MAN1C1: variants seen among roughly 807,000 people sequenced by gnomAD.
MAN1C1 encodes mannosyl-oligosaccharide 1,2-alpha-mannosidase IC.
In MAN1C1, 49 loss-of-function variants were observed where a neutral mutation model predicts 71.5. The observed-to-expected ratio is 0.69, with a 90% confidence interval of 0.54 to 0.87. The LOEUF (loss-of-function observed/expected upper bound fraction) is 0.87, where lower values mean the gene tolerates loss of function less well. MAN1C1 is among the 40% of genes least tolerant of loss of function. The probability of loss-of-function intolerance (pLI) is 0.00; values close to 1 mark genes in which losing one functional copy is unlikely to be tolerated. For missense variants in MAN1C1, 743 were observed against 835.0 expected (o/e 0.89, Z 1.36); for synonymous variants, 352 against 343.7 (o/e 1.02, Z -0.27).
chr1:25,619,018 G>A (rs1473141496), intron 1 of MAN1C1, among the ~76,000 whole-genome samples: 1 of 152,214 alleles, frequency 6.6e-6, no homozygotes, highest in Non-Finnish European at 1.5e-5. Flanking sequence ...GCATAATGAA[G>A]CAGATCTTGA....
chr1:25,722,370 G>A (rs1012516997), intron 2 of MAN1C1, among the ~76,000 whole-genome samples: 3 of 152,220 alleles, frequency 2.0e-5, no homozygotes, highest in South Asian at 2.1e-4. Flanking sequence ...TCCTTCCACC[G>A]ATTTTTCTGT....
rs1432540508 is a variant in MAN1C1 at position 25,617,451 on chromosome 1, G to A, written c.-347G>A. On this transcript the variant is annotated 5_prime_UTR_variant, in exon 1 of 12. Coordinates refer to ENST00000374332, the MANE Select transcript of MAN1C1 (RefSeq NM_020379.4). This position sits in a 1 kb window ranked among gnomAD's most constrained non-coding sequence, Gnocchi z 5.1. ...GCCGCGGACGGCATGTGACGGTCCC[G>A]GCGGCCGCAGCGCGGGAAGGCGCGG... The A allele has an allele frequency of 2.0e-5, 3 of 148,114 alleles. No individual in the cohort carries two copies. Among genetic ancestry groups the A allele is most frequent in the Non-Finnish European group, 3.0e-5 (2 of 66,526 alleles). The allele number at this position is 148,114 out of a possible 1,614,324, so 9.2% of individuals were successfully genotyped here.
intron 2 of MAN1C1, among the ~76,000 whole-genome samples, chr1:25,731,642 CCT>C (rs1429623899): frequency 2.0e-5 from 3 of 152,186 alleles, no homozygotes; most frequent in South Asian, 4.1e-4. Flanking sequence ...CTCCTTCCTC[CCT>C]CTCTAACACA....
intron 1 of MAN1C1, among the ~76,000 whole-genome samples, chr1:25,668,670 C>G (rs990133346): frequency 6.6e-6 from 1 of 151,976 alleles, no homozygotes; most frequent in East Asian, 1.9e-4. Flanking sequence ...ATTCTCCTGC[C>G]TCAGCCTCCC....
intron 1 of MAN1C1, among the ~76,000 whole-genome samples, chr1:25,683,902 T>C (rs1038748083): frequency 6.6e-6 from 1 of 152,222 alleles, no homozygotes; most frequent in African/African-American, 2.4e-5. Context: ...TCTGATTGCC[T>C]TGTGAATTCA....
At chr1:25,622,137 G>T (rs1475518751) in intron 1 of MAN1C1, among the ~76,000 whole-genome samples, 1 of 152,168 alleles carries the variant, frequency 6.6e-6, no homozygotes, top group Non-Finnish European at 1.5e-5. Context: ...GCAGGGCTGG[G>T]TGAGGAGAAT....
At chr1:25,667,138 T>C (rs1277189922) in intron 1 of MAN1C1, among the ~76,000 whole-genome samples, 1 of 152,090 alleles carries the variant, frequency 6.6e-6, no homozygotes, top group Non-Finnish European at 1.5e-5. Context: ...AGGAGAGAGC[T>C]CAAAATCCCA....
Position 25,769,155 on chromosome 1 carries a change from AT to A in MAN1C1, c.1142-2500del, listed in dbSNP as rs749852739. Among the ~76,000 whole-genome samples the A allele has an allele frequency of 3.1e-4, 44 of 143,782 alleles. No homozygotes were observed. Among genetic ancestry groups the A allele is most frequent in the Non-Finnish European group, 4.7e-4 (31 of 65,520 alleles). 94.3% of individuals were successfully genotyped at this position (143,782 alleles called of 152,430 possible). ...CACACACTACACACTCCCCTCACAC[AT>A]TCCACACACACACCCCACACATTAC... On this transcript the variant is annotated intron_variant, in intron 7 of 11. Transcript: ENST00000374332. The surrounding 1 kb of genome is among the most constrained non-coding windows in gnomAD (Gnocchi z 4.8).
At chr1:25,704,009 C>G (rs2046482249) in intron 2 of MAN1C1, among the ~76,000 whole-genome samples, 1 of 152,176 alleles carries the variant, frequency 6.6e-6, no homozygotes, top group South Asian at 2.1e-4. Flanking sequence ...TCCCATCATC[C>G]AGCCTGCCCA....
intron 7 of MAN1C1, among the ~76,000 whole-genome samples, chr1:25,765,339 G>A (rs2047413813): frequency 6.6e-6 from 1 of 152,182 alleles, no homozygotes; most frequent in African/African-American, 2.4e-5. Flanking sequence ...CATGGTCATG[G>A]TCAGCTGGAA....
intron 2 of MAN1C1, among the ~76,000 whole-genome samples, chr1:25,712,782 C>A (rs747339566): frequency 6.6e-6 from 1 of 152,310 alleles, no homozygotes; most frequent in Non-Finnish European, 1.5e-5. Flanking sequence ...TAGGCTCCTG[C>A]ATGGCGGTGG....
chr1:25,705,296 T>C (rs1297102229), intron 2 of MAN1C1, among the ~76,000 whole-genome samples: 1 of 152,246 alleles, frequency 6.6e-6, no homozygotes, highest in Non-Finnish European at 1.5e-5. Context: ...GATATGTATT[T>C]CTGCATACAC....
chr1:25,783,935 C>A lies in MAN1C1; in HGVS notation c.*146C>A. On this transcript the variant is annotated 3_prime_UTR_variant, in exon 12 of 12. Transcript: ENST00000374332. ...TGTCGGACAAGCAACTTCTTTTCCT[C>A]TGTGAGGAGACAAGACTTGGAGACT... 9.2e-7 allele frequency: 1 copy of A among 1,089,982 alleles called. No homozygotes were observed. The highest frequency in any genetic ancestry group is 2.6e-5 in the East Asian group (1 of 38,004). The allele number at this position is 1,089,982 out of a possible 1,614,324, so 67.5% of individuals were successfully genotyped here. A position where few individuals can be genotyped will look rare whatever the true frequency, so the allele number is the denominator to read the frequency against.
At chr1:25,722,447 A>G (rs973359582) in intron 2 of MAN1C1, among the ~76,000 whole-genome samples, 1 of 152,000 alleles carries the variant, frequency 6.6e-6, no homozygotes, top group Non-Finnish European at 1.5e-5. Context: ...TCTGTTTTCT[A>G]TCTGTCTCTT....
chr1:25,673,103 A>G (rs768685970), intron 1 of MAN1C1, among the ~76,000 whole-genome samples: 13 of 152,118 alleles, frequency 8.5e-5, no homozygotes, highest in Non-Finnish European at 1.2e-4. Context: ...ATCCTGTTGA[A>G]TAGATTTGGG....
At chr1:25,749,841 C>T (rs2047190853) in intron 4 of MAN1C1, among the ~76,000 whole-genome samples, 1 of 152,224 alleles carries the variant, frequency 6.6e-6, no homozygotes, top group South Asian at 2.1e-4. Context: ...CCTCCACAGC[C>T]ACCCCTTGCC....
At chr1:25,703,705 T>C (rs2046478407) in intron 2 of MAN1C1, among the ~76,000 whole-genome samples, 1 of 152,054 alleles carries the variant, frequency 6.6e-6, no homozygotes, top group Non-Finnish European at 1.5e-5. Context: ...GAAAGTGGGA[T>C]CTGCAGATGG....
At chr1:25,675,594 G>A (rs576266333) in intron 1 of MAN1C1, among the ~76,000 whole-genome samples, 3 of 143,846 alleles carry the variant, frequency 2.1e-5, no homozygotes, top group South Asian at 2.4e-4. Flanking sequence ...CGGGGGGGGG[G>A]GGAGGTGGTT....
At chr1:25,727,974 G>T (rs2046856210) in intron 2 of MAN1C1, among the ~76,000 whole-genome samples, 1 of 152,244 alleles carries the variant, frequency 6.6e-6, no homozygotes, top group Non-Finnish European at 1.5e-5. Flanking sequence ...CGTCTTCCTG[G>T]CAGGGAATGC....
Sources: gnomAD v4.1 joint callset for allele counts (sites outside exome capture counted in the v4.1 genomes callset) on GRCh38, gnomAD v4.1.1 for gene constraint, Gnocchi (gnomAD v3.1) non-coding constraint, MANE v1.5 for transcripts, NCBI Gene and HGNC (gene_info 2026-07-23, HGNC 2026-07-21) for gene names.